Variants in SYN2 observed in about 807,000 individuals in gnomAD.
The protein encoded by SYN2 is synapsin II, also known as synapsin-2.
In SYN2, 19 loss-of-function variants were observed where a neutral mutation model predicts 50.9. The observed-to-expected ratio is 0.37, with a 90% CI of 0.26 to 0.55. SYN2 has a LOEUF of 0.55. Among genes scored for constraint, SYN2 ranks in the 20% least tolerant of loss-of-function variants. SYN2 has a pLI of 0.81. For synonymous variants in SYN2, 255 were observed against 224.9 expected (o/e 1.13, Z -1.20); for missense variants, 587 against 576.4 (o/e 1.02, Z -0.19).
rs1210845898 is a variant in SYN2 at position 12,149,135 on chromosome 3, G to A, written c.685-2102G>A. On this transcript the variant is annotated intron_variant, in intron 4 of 12. Coordinates refer to ENST00000621198, the MANE Select transcript of SYN2 (RefSeq NM_133625.6). The stretch of plus-strand genomic sequence containing the variant: ...TGTGTTGGCTGTCCCAGGGCTCTGG[G>A]AGTCTGCCACAGGCTGTCCTGGCAT... Among the ~76,000 whole-genome samples the A allele has an allele frequency of 2.0e-5, 3 of 152,162 alleles. No individual in the cohort carries two copies. The East Asian group carries it at 5.8e-4, about 29-fold the overall frequency.
At chr3:12,031,992 T>G (rs1167602462) in intron 1 of SYN2, among the ~76,000 whole-genome samples, 32 of 148,776 alleles carry the variant, frequency 2.2e-4, no homozygotes. Flanking sequence ...TCTTTACAAT[T>G]TGGCATGATT....
chr3:12,125,661 G>A (rs1355802684), intron 1 of SYN2, among the ~76,000 whole-genome samples: 4 of 152,098 alleles, frequency 2.6e-5, no homozygotes, highest in Admixed American at 2.0e-4. Flanking sequence ...GAATGTTTGA[G>A]AGAATAGGGG....
intron 1 of SYN2, among the ~76,000 whole-genome samples, chr3:12,042,993 C>G (rs998955018): frequency 6.6e-6 from 1 of 151,900 alleles, no homozygotes; most frequent in African/African-American, 2.4e-5. Context: ...AGAATAAATC[C>G]CCCCACACCT....
Position 12,124,241 on chromosome 3 carries a change from G to A in SYN2, c.378-16410G>A, listed in dbSNP as rs552181944. Reference sequence around the variant, plus strand: ...AAAGTAATAAAAACTGACGAATTCAGGGAATATAAAAATGAGGTGAAATTA... The same window carrying A: ...AAAGTAATAAAAACTGACGAATTCAAGGAATATAAAAATGAGGTGAAATTA... On this transcript the variant is annotated intron_variant, in intron 1 of 12. Coordinates refer to ENST00000621198, the MANE Select transcript of SYN2 (RefSeq NM_133625.6). Among the ~76,000 whole-genome samples, 26 of 152,132 alleles carry A rather than the reference G, an allele frequency of 1.7e-4. 2 individuals carry two copies. The highest frequency in any genetic ancestry group is 6.0e-4 in the African/African-American group (25 of 41,498).
At chr3:12,129,058 A>T (rs1008795646) in intron 1 of SYN2, among the ~76,000 whole-genome samples, 1 of 152,244 alleles carries the variant, frequency 6.6e-6, no homozygotes, top group African/African-American at 2.4e-5. Flanking sequence ...GAATAATAAA[A>T]TGAATCATAA....
chr3:12,066,290 G>A (rs1168949435), intron 1 of SYN2, among the ~76,000 whole-genome samples: 1 of 151,956 alleles, frequency 6.6e-6, no homozygotes, highest in Non-Finnish European at 1.5e-5. Flanking sequence ...GGGAACTCTG[G>A]GCTATCTTAA....
At chr3:12,125,897 G>A (rs1388363017) in intron 1 of SYN2, among the ~76,000 whole-genome samples, 2 of 150,932 alleles carry the variant, frequency 1.3e-5, no homozygotes, top group South Asian at 2.1e-4. Flanking sequence ...TTTCTCTGAT[G>A]TCCCCTTGTT....
At position 12,190,993 on chromosome 3, in the gene SYN2, C is replaced by T. The variant is rs182015607; in HGVS notation, c.*368C>T. On this transcript the variant is annotated 3_prime_UTR_variant, in exon 13 of 13. Coordinates refer to ENST00000621198, the MANE Select transcript of SYN2 (RefSeq NM_133625.6). ...GTGGACTCCTGGCAGCTTAACCTAG[C>T]TCAGTTGCAGTGCTAAGCATGCCCC... The T allele has an allele frequency of 7.9e-5, 81 of 1,026,798 alleles. No homozygotes were observed. The African/African-American group carries it at 1.3e-3, about 16-fold the overall frequency. 63.6% of individuals were successfully genotyped at this position (1,026,798 alleles called of 1,614,324 possible).
At chr3:12,178,001 G>A (rs1012337453) in intron 10 of SYN2, among the ~76,000 whole-genome samples, 2 of 152,226 alleles carry the variant, frequency 1.3e-5, no homozygotes, top group African/African-American at 4.8e-5. Flanking sequence ...GAAGGAAGGT[G>A]GGCGCTGGTG....
At chr3:12,048,103 T>C (rs754227692) in intron 1 of SYN2, among the ~76,000 whole-genome samples, 1 of 152,174 alleles carries the variant, frequency 6.6e-6, no homozygotes, top group African/African-American at 2.4e-5. Flanking sequence ...AGATTTAGCC[T>C]TTTTATGCCT....
chr3:12,026,390 T>G (rs577019980), intron 1 of SYN2, among the ~76,000 whole-genome samples: 1 of 152,018 alleles, frequency 6.6e-6, no homozygotes, highest in South Asian at 2.1e-4. Context: ...TGAGCAAAAT[T>G]TCTACCCTTA....
At chr3:12,016,295 A>G in intron 1 of SYN2, among the ~76,000 whole-genome samples, 1 of 152,252 alleles carries the variant, frequency 6.6e-6, no homozygotes, top group East Asian at 1.9e-4. Context: ...TGATGAAATA[A>G]TTAGCAAACT....
intron 1 of SYN2, among the ~76,000 whole-genome samples, chr3:12,038,550 AT>A (rs1404455847): frequency 1.3e-5 from 2 of 152,086 alleles, no homozygotes; most frequent in Middle Eastern, 3.4e-3. Flanking sequence ...ATGAACACAG[AT>A]TTTTTTCATT....
intron 1 of SYN2, among the ~76,000 whole-genome samples, chr3:12,090,516 C>CT (rs34389637): frequency 0.13 from 20,098 of 152,126 alleles, 2,238 homozygotes; most frequent in African/African-American, 0.31. Context: ...AGACCTTGAG[C>CT]TAATGAGTTC....
chr3:12,018,878 G>A (rs1694073492), intron 1 of SYN2, among the ~76,000 whole-genome samples: 1 of 152,182 alleles, frequency 6.6e-6, no homozygotes, highest in Non-Finnish European at 1.5e-5. Flanking sequence ...TCCCCACTTA[G>A]TTTCCTTTTA....
At chr3:12,055,617 T>C (rs2125158413) in intron 1 of SYN2, among the ~76,000 whole-genome samples, 1 of 152,352 alleles carries the variant, frequency 6.6e-6, no homozygotes, top group East Asian at 1.9e-4. Context: ...TCCCACCAAC[T>C]GTTTGAGGCT....
At chr3:12,158,733 G>A in intron 5 of SYN2, 1 of 1,609,728 alleles carries the variant, frequency 6.2e-7, no homozygotes, top group Admixed American at 1.7e-5. Flanking sequence ...GCTGCTGAGG[G>A]TGCGCCGGGG....
intron 1 of SYN2, among the ~76,000 whole-genome samples, chr3:12,057,854 C>T (rs538906250): frequency 6.6e-6 from 1 of 152,228 alleles, no homozygotes; most frequent in Admixed American, 6.5e-5. Flanking sequence ...TTTAGAAGAA[C>T]ATTAAAACTG....
chr3:12,190,432 T>C, intron 12 of SYN2, 58 bp from the exon 13 acceptor site: 1 of 1,599,516 alleles, frequency 6.3e-7, no homozygotes, highest in South Asian at 1.1e-5. Context: ...GTCACCGTCC[T>C]TCCCTGCCTT....
Sources: gnomAD v4.1 joint callset for allele counts (sites outside exome capture counted in the v4.1 genomes callset) on GRCh38, gnomAD v4.1.1 for gene constraint, MANE v1.5 for transcripts, NCBI Gene and HGNC (gene_info 2026-07-23, HGNC 2026-07-21) for gene names.